Variants in LDHC observed in about 807,000 individuals in gnomAD.
The protein encoded by LDHC is L-lactate dehydrogenase C chain.
A neutral mutation model predicts 30.2 loss-of-function variants in LDHC; 20 were observed. That is an observed-to-expected ratio of 0.66 (90% CI 0.47 to 0.96). LDHC has a LOEUF of 0.96. Among genes scored for constraint, LDHC ranks in the 40% least tolerant of loss-of-function variants. The pLI, the probability that LDHC is intolerant of heterozygous loss-of-function variation, is 0.00. For synonymous variants in LDHC, 139 were observed against 132.7 expected, an observed-to-expected ratio of 1.05 and a Z score of -0.32; for missense variants, 362 against 394.9, an observed-to-expected ratio of 0.92 and a Z score of 0.71.
At chr11:18,424,112 C>G (rs113729121) in intron 3 of LDHC, among the ~76,000 whole-genome samples, 22,744 of 152,152 alleles carry the variant, frequency 0.15, 1,891 homozygotes, top group African/African-American at 0.21. Context: ...TGGCCGGGTG[C>G]GGTGGCTCAC....
At chr11:18,414,901 T>C (rs75305886) in intron 2 of LDHC, among the ~76,000 whole-genome samples, 16,467 of 152,056 alleles carry the variant, frequency 0.11, 942 homozygotes, top group Admixed American at 0.15. Context: ...TTATTTTCCT[T>C]GGTTTCAAAC....
At chr11:18,433,161 G>A (rs1400988427) in intron 4 of LDHC, among the ~76,000 whole-genome samples, 7 of 152,054 alleles carry the variant, frequency 4.6e-5, no homozygotes, top group East Asian at 1.9e-4. Flanking sequence ...CAAGGTGGGC[G>A]GATCACCTGA....
intron 7 of LDHC, among the ~76,000 whole-genome samples, chr11:18,447,197 G>C (rs994424261): frequency 2.0e-4 from 30 of 150,096 alleles, no homozygotes; most frequent in Non-Finnish European, 4.3e-4. Context: ...GCAGTCATGC[G>C]ATCTTGGCTC....
chr11:18,451,170 A>G lies in LDHC; in HGVS notation c.*43A>G, dbSNP rs773775601. 11 of 1,230,734 alleles carry G rather than the reference A, an allele frequency of 8.9e-6. No individual in the cohort carries two copies. Among genetic ancestry groups the G allele is most frequent in the Non-Finnish European group, 1.2e-5 (11 of 913,164 alleles). The allele number at this position is 1,230,734 out of a possible 1,614,324, so 76.2% of individuals were successfully genotyped here. On this transcript the variant is annotated 3_prime_UTR_variant, in exon 8 of 8. Transcript: ENST00000541669. ...TTCCACTGTTTGGAGAACAGAAGAT[A>G]GCAGGCTGTGTATTTTAAATTTTGA...
chr11:18,422,856 G>A (rs770418843), intron 3 of LDHC, among the ~76,000 whole-genome samples: 6 of 151,414 alleles, frequency 4.0e-5, no homozygotes, highest in African/African-American at 7.3e-5. Flanking sequence ...GTTGATGGGT[G>A]CCTGAGTCCC....
intron 7 of LDHC, among the ~76,000 whole-genome samples, chr11:18,447,964 G>T (rs1343267888): frequency 4.0e-5 from 6 of 149,530 alleles, no homozygotes; most frequent in African/African-American, 1.5e-4. Flanking sequence ...CAAGAGAATT[G>T]CTTGAACCCA....
chr11:18,435,873 G>A (rs1284257161), intron 5 of LDHC, among the ~76,000 whole-genome samples: 1 of 152,022 alleles, frequency 6.6e-6, no homozygotes, highest in African/African-American at 2.4e-5. Context: ...AACTATTGAG[G>A]CCACACCAAC....
In LDHC at chr11:18,415,436, AT is replaced by A. The variant is rs757062905; in HGVS notation, c.244+143del. ...CCATATAATTTAATTTAGTTGATCA[AT>A]TTTTTTTGTTTTTTGAGAGAGTCTC... On this transcript the variant is annotated intron_variant, in intron 3 of 7. Transcript: ENST00000541669. The A allele has an allele frequency of 1.2e-4, 65 of 563,678 alleles. 1 individual carries two copies. The highest frequency in any genetic ancestry group is 1.8e-4 in the South Asian group (7 of 39,928). The allele number at this position is 563,678 out of a possible 1,614,324, so 34.9% of individuals were successfully genotyped here.
chr11:18,432,391 G>A (rs1165719082), intron 4 of LDHC, among the ~76,000 whole-genome samples: 1 of 152,088 alleles, frequency 6.6e-6, no homozygotes, highest in Non-Finnish European at 1.5e-5. Flanking sequence ...CATATGGTCT[G>A]TCTTGGAGAA....
intron 4 of LDHC, among the ~76,000 whole-genome samples, chr11:18,430,312 T>C (rs1848243214): frequency 6.6e-6 from 1 of 152,216 alleles, no homozygotes; most frequent in Admixed American, 6.5e-5. Context: ...TTCTTTTGTT[T>C]ATACATTTTT....
Position 18,415,042 on chromosome 11 carries a change from C to G in LDHC, c.127-142C>G, listed in dbSNP as rs987793894. ...TTACCTTGACTTTCGGTCACCCAGG[C>G]TCATTGAAAAACTATTTTTATATCA... On this transcript the variant is annotated intron_variant, in intron 2 of 7. Coordinates refer to ENST00000541669, the MANE Select transcript of LDHC (RefSeq NM_017448.5). The G allele has an allele frequency of 6.7e-4, 344 of 516,372 alleles. 3 individuals are homozygous for G. Among genetic ancestry groups the G allele is most frequent in the Non-Finnish European group, 1.3e-4 (38 of 290,740 alleles). 32.0% of individuals were successfully genotyped at this position (516,372 alleles called of 1,614,324 possible).
At chr11:18,424,628 A>G (rs1216345394) in intron 3 of LDHC, among the ~76,000 whole-genome samples, 1 of 152,252 alleles carries the variant, frequency 6.6e-6, no homozygotes, top group Non-Finnish European at 1.5e-5. Context: ...AAGAAACTAC[A>G]GGAACACACA....
At chr11:18,436,357 T>G (rs1848352572) in intron 5 of LDHC, among the ~76,000 whole-genome samples, 1 of 152,100 alleles carries the variant, frequency 6.6e-6, no homozygotes, top group African/African-American at 2.4e-5. Flanking sequence ...GGATCTACTT[T>G]CTTTAATTTC....
Position 18,431,450 on chromosome 11 carries a change from G to A in LDHC, c.418+1540G>A, listed in dbSNP as rs1020034748. 1.5e-4 allele frequency among the ~76,000 whole-genome samples: 23 copies of A among 152,020 alleles called. 1 individual carries two copies. Among genetic ancestry groups the A allele is most frequent in the Non-Finnish European group, 1.5e-5 (1 of 68,004 alleles). On this transcript the variant is annotated intron_variant, in intron 4 of 7. Coordinates refer to ENST00000541669, the MANE Select transcript of LDHC (RefSeq NM_017448.5). Reference sequence around the variant, plus strand: ...GCATTCCAGCCTGGGCAACAAGAGTGAAACTCTGTCTCAAAAAATAAAAAT... The same window carrying A: ...GCATTCCAGCCTGGGCAACAAGAGTAAAACTCTGTCTCAAAAAATAAAAAT...
chr11:18,421,626 T>C (rs1435001860), intron 3 of LDHC, among the ~76,000 whole-genome samples: 1 of 151,562 alleles, frequency 6.6e-6, no homozygotes, highest in Non-Finnish European at 1.5e-5. Flanking sequence ...TGAGCAGAGA[T>C]CATGCCATTA....
In LDHC at chr11:18,451,305, A is replaced by G. The variant is rs80327325; in HGVS notation, c.*178A>G. ...AATGGTAAAGAGATTTTCCTCTTTAAGAATCATTTATAGCTCTATTCTAAT... is the reference window on the plus strand; with the variant it reads ...AATGGTAAAGAGATTTTCCTCTTTAGGAATCATTTATAGCTCTATTCTAAT... On this transcript the variant is annotated 3_prime_UTR_variant, in exon 8 of 8. Coordinates refer to ENST00000541669, the MANE Select transcript of LDHC (RefSeq NM_017448.5). 578 of 464,100 alleles carry G rather than the reference A, an allele frequency of 1.2e-3. 4 individuals carry two copies. The highest frequency in any genetic ancestry group is 0.011 in the African/African-American group (540 of 48,762). The allele number at this position is 464,100 out of a possible 1,614,324, so 28.7% of individuals were successfully genotyped here. A position where few individuals can be genotyped will look rare whatever the true frequency, so the allele number is the denominator to read the frequency against.
chr11:18,440,159 A>AAAAAAAAAG (rs1848439958), intron 6 of LDHC, among the ~76,000 whole-genome samples: 1 of 148,714 alleles, frequency 6.7e-6, no homozygotes, highest in African/African-American at 2.5e-5. Flanking sequence ...AAAAAAAAAA[A>AAAAAAAAAG]AAAAATTAGC....
At chr11:18,440,142 T>C (rs1168110532) in intron 6 of LDHC, among the ~76,000 whole-genome samples, 2 of 49,050 alleles carry the variant, frequency 4.1e-5, no homozygotes, top group African/African-American at 2.0e-4. Flanking sequence ...TCTACTAAAA[T>C]ACAAAAAAAA....
chr11:18,437,984 G>A (rs901426748), intron 5 of LDHC, among the ~76,000 whole-genome samples: 7 of 151,946 alleles, frequency 4.6e-5, no homozygotes, highest in African/African-American at 1.7e-4. Flanking sequence ...AGAATCCCTT[G>A]AACTTGGGAG....
Sources: allele counts gnomAD v4.1 joint callset (sites outside exome capture counted in the v4.1 genomes callset), GRCh38; gene constraint gnomAD v4.1.1; transcripts MANE v1.5; gene names NCBI Gene and HGNC (gene_info 2026-07-23, HGNC 2026-07-21).